SDHA: variants seen among roughly 807,000 people sequenced by gnomAD.
SDHA encodes succinate dehydrogenase complex flavoprotein subunit A, also known as succinate dehydrogenase [ubiquinone] flavoprotein subunit, mitochondrial.
In SDHA, 48 loss-of-function variants were observed where a neutral mutation model predicts 78.4. That is an observed-to-expected ratio of 0.61 (90% CI 0.49 to 0.78). The LOEUF (loss-of-function observed/expected upper bound fraction) is 0.78. Ranked by LOEUF, SDHA falls within the 30% of genes least tolerant of loss-of-function variation. The pLI is 0.00. For synonymous variants in SDHA, 326 were observed against 353.9 expected, an observed-to-expected ratio of 0.92 and a Z score of 0.88; for missense variants, 680 against 892.7, an observed-to-expected ratio of 0.76 and a Z score of 3.04.
At chr5:224,873 G>A (rs1006436286) in intron 3 of SDHA, 2 of 377,280 alleles carry the variant, frequency 5.3e-6, no homozygotes, top group African/African-American at 4.2e-5. Context: ...AAAAGGGCAA[G>A]GGTTTCATTT....
intron 11 of SDHA, among the ~76,000 whole-genome samples, chr5:247,394 G>A (rs1736529087): frequency 6.6e-6 from 1 of 152,200 alleles, no homozygotes; most frequent in Admixed American, 6.5e-5. Flanking sequence ...CAGGACCTTT[G>A]ACTGCAGGGA....
chr5:264,526 AC>A, the SDHA span, among the ~76,000 whole-genome samples: 1 of 151,876 alleles, frequency 6.6e-6, no homozygotes, highest in East Asian at 1.9e-4. Flanking sequence ...AATTCCGGGC[AC>A]CCCGGCCTAA....
At chr5:224,158 A>T (rs1222720829) in intron 2 of SDHA, among the ~76,000 whole-genome samples, 1 of 152,214 alleles carries the variant, frequency 6.6e-6, no homozygotes, top group Non-Finnish European at 1.5e-5. Context: ...CATTCGTAGA[A>T]TCTGATTGTC....
At chr5:235,386 G>A (rs1735714315) in intron 9 of SDHA, 47 bp downstream of exon 9, 9 of 1,570,364 alleles carry the variant, frequency 5.7e-6, no homozygotes, top group African/African-American at 2.7e-5. Context: ...AGGCTGGGAC[G>A]ACGGGGCCCA....
At chr5:251,581 C>T in intron 13 of SDHA, 113 bp downstream of exon 13, 3 of 1,560,064 alleles carry the variant, frequency 1.9e-6, no homozygotes, top group South Asian at 1.2e-5. Context: ...AAAGTAAATC[C>T]AAAAAATGCC....
At chr5:250,038 C>A (rs1561009321) in intron 11 of SDHA, 1 of 152,046 alleles carries the variant, frequency 6.6e-6, no homozygotes. Flanking sequence ...AATAATGTAA[C>A]CAGAAATACG....
At chr5:259,838 G>A (rs1737419267), downstream of SDHA, among the ~76,000 whole-genome samples, 1 of 30,780 alleles carries the variant, frequency 3.2e-5, no homozygotes. Context: ...GCATTACCGT[G>A]TGAGCTCCGC....
chr5:235,523 T>C, intron 9 of SDHA, 184 bp downstream of exon 9: 1 of 668,832 alleles, frequency 1.5e-6, no homozygotes, highest in South Asian at 1.8e-5. Flanking sequence ...TAATAATTTA[T>C]TCCTCCTTAG....
downstream of SDHA, among the ~76,000 whole-genome samples, chr5:257,776 G>T (rs1471710626): frequency 5.1e-5 from 5 of 97,934 alleles, no homozygotes; most frequent in African/African-American, 3.0e-4. Flanking sequence ...CCCTGCCAGA[G>T]CATTACCTTG....
chr5:262,339 C>A, the SDHA span, among the ~76,000 whole-genome samples: 1 of 111,958 alleles, frequency 8.9e-6, no homozygotes, highest in Non-Finnish European at 2.0e-5. Context: ...ACCGTGTGAG[C>A]TCCGCCTCCC....
intron 11 of SDHA, among the ~76,000 whole-genome samples, chr5:243,891 T>A (rs1241132358): frequency 2.6e-5 from 4 of 152,206 alleles, no homozygotes. Context: ...ATACTCCGTT[T>A]CCTGGAGGTT....
intron 9 of SDHA, chr5:236,099 A>G (rs1022036686): frequency 5.2e-6 from 2 of 383,724 alleles, no homozygotes; most frequent in Non-Finnish European, 1.0e-5. Flanking sequence ...ATCTCAGCTC[A>G]CTGCAACCTC....
chr5:236,142 A>C, intron 9 of SDHA: 1 of 436,652 alleles, frequency 2.3e-6, no homozygotes, highest in South Asian at 2.1e-5. Flanking sequence ...TTTCCGCCTC[A>C]GCCTCCCTAG....
downstream of SDHA, among the ~76,000 whole-genome samples, chr5:258,703 C>T (rs1737372039): frequency 8.9e-6 from 1 of 112,384 alleles, no homozygotes; most frequent in Non-Finnish European, 1.7e-5. Flanking sequence ...AGCTCCGCCT[C>T]CCGCCAGAGC....
chr5:266,576 A>G, the SDHA span, among the ~76,000 whole-genome samples: 6 of 152,242 alleles, frequency 3.9e-5, no homozygotes, highest in Admixed American at 3.3e-4. Flanking sequence ...GTGGGTTTCA[A>G]GGTTTTAAAG....
chr5:257,589 G>A (rs1421320329), downstream of SDHA, among the ~76,000 whole-genome samples: 1 of 123,036 alleles, frequency 8.1e-6, no homozygotes, highest in Non-Finnish European at 1.6e-5. Context: ...CCCTGCCAGA[G>A]CATTACCTTG....
In SDHA at chr5:227,159, C is replaced by T. The variant is rs187075680; in HGVS notation, c.622-1026C>T. Among the ~76,000 whole-genome samples, 617 of 152,056 alleles carry T rather than the reference C, an allele frequency of 4.1e-3. 3 individuals are homozygous for T. The highest frequency in any genetic ancestry group is 0.014 in the African/African-American group (586 of 41,508). ...CCGAGTAGCTGGGACTACAGGCGCA[C>T]GCCACCATGCCTGGCTAATTTTTTG... is the stretch of plus-strand genomic sequence containing the variant. On this transcript the variant is annotated intron_variant, in intron 5 of 14. Coordinates refer to ENST00000264932, the MANE Select transcript of SDHA (RefSeq NM_004168.4).
At chr5:261,874 G>C (rs1466608239), downstream of SDHA, among the ~76,000 whole-genome samples, 8 of 11,244 alleles carry the variant, frequency 7.1e-4, no homozygotes, top group East Asian at 3.6e-3. Context: ...CCTCCCGTCA[G>C]AGCATTACCG....
intron 13 of SDHA, chr5:251,685 C>T: frequency 6.7e-7 from 1 of 1,493,024 alleles, no homozygotes; most frequent in Non-Finnish European, 9.0e-7. Context: ...CCACTGATGC[C>T]AGCAGTGGCA....
Sources: allele counts gnomAD v4.1 joint callset (sites outside exome capture counted in the v4.1 genomes callset), GRCh38; gene constraint gnomAD v4.1.1; transcripts MANE v1.5; gene names NCBI Gene and HGNC (gene_info 2026-07-23, HGNC 2026-07-21).